Variants in ORC2 observed in about 807,000 individuals in gnomAD.
ORC2 encodes origin recognition complex subunit 2, also known as origin recognition complex protein 2 homolog.
Under a neutral mutation model 77.7 loss-of-function variants are expected in ORC2, and 37 were observed. The observed-to-expected ratio is 0.48, with a 90% CI of 0.37 to 0.63. The LOEUF (loss-of-function observed/expected upper bound fraction) is 0.63, where lower values mean the gene tolerates loss of function less well. Among genes scored for constraint, ORC2 ranks in the 20% least tolerant of loss-of-function variants. The pLI, the probability that ORC2 is intolerant of heterozygous loss-of-function variation, is 0.00. For missense variants in ORC2, 557 were observed against 661.9 expected, an observed-to-expected ratio of 0.84 and a Z score of 1.74; for synonymous variants, 201 against 229.5, an observed-to-expected ratio of 0.88 and a Z score of 1.12.
intron 11 of ORC2, among the ~76,000 whole-genome samples, chr2:200,929,963 A>C (rs747441399): frequency 6.6e-6 from 1 of 152,188 alleles, no homozygotes; most frequent in Non-Finnish European, 1.5e-5. Context: ...ACCCAAGTAT[A>C]AACTTCTAAT....
chr2:200,956,140 C>A (rs1355601996), intron 4 of ORC2, among the ~76,000 whole-genome samples: 2 of 152,228 alleles, frequency 1.3e-5, no homozygotes, highest in Non-Finnish European at 2.9e-5. Flanking sequence ...AATCACAGCT[C>A]ACTGTAGCCT....
intron 15 of ORC2, among the ~76,000 whole-genome samples, chr2:200,914,889 G>A (rs2040614374): frequency 6.6e-6 from 1 of 151,102 alleles, no homozygotes; most frequent in African/African-American, 2.4e-5. Flanking sequence ...TGGGTATGCT[G>A]TTATCTCAAA....
In ORC2 at chr2:200,949,657, A is replaced by G; in HGVS notation, c.239-14T>C. The G allele has an allele frequency of 2.0e-6, 3 of 1,474,140 alleles. No homozygotes were observed. The highest frequency in any genetic ancestry group is 2.8e-6 in the Non-Finnish European group (3 of 1,063,098). 91.3% of individuals were successfully genotyped at this position (1,474,140 alleles called of 1,614,324 possible). A position where few individuals can be genotyped will look rare whatever the true frequency, so the allele number is the denominator to read the frequency against. ...TTTTCAATGATTCTGAAAGAAAAAAATGCAATATACATTTAGGAAAAAAGA... is the reference window on the plus strand; with the variant it reads ...TTTTCAATGATTCTGAAAGAAAAAAGTGCAATATACATTTAGGAAAAAAGA... On this transcript the variant is annotated splice_polypyrimidine_tract_variant and intron_variant, in intron 4 of 17. Coordinates refer to ENST00000234296, the MANE Select transcript of ORC2 (RefSeq NM_006190.5).
intron 13 of ORC2, among the ~76,000 whole-genome samples, chr2:200,925,560 C>T (rs918758836): frequency 1.3e-5 from 2 of 151,864 alleles, no homozygotes; most frequent in Non-Finnish European, 2.9e-5. Flanking sequence ...GGCAACATAG[C>T]GAGACCTCAT....
intron 13 of ORC2, among the ~76,000 whole-genome samples, chr2:200,922,753 A>G (rs2124949572): frequency 6.6e-6 from 1 of 152,294 alleles, no homozygotes; most frequent in African/African-American, 2.4e-5. Flanking sequence ...ACAGACGCAC[A>G]CAAATATAAA....
At position 200,957,632 on chromosome 2, in the gene ORC2, T is replaced by C. The variant is rs75219551; in HGVS notation, c.95-88A>G. On this transcript the variant is annotated intron_variant, in intron 3 of 17. Coordinates refer to ENST00000234296, the MANE Select transcript of ORC2 (RefSeq NM_006190.5). ...AAATAAGAAATTATAATATTTATAT[T>C]GTCATTACTTAAAAGCTGGGAAAAA... 497 of 987,806 alleles carry C rather than the reference T, an allele frequency of 5.0e-4. 2 individuals carry two copies. The East Asian group carries it at 0.013, about 27-fold the overall frequency. 61.2% of individuals were successfully genotyped at this position (987,806 alleles called of 1,614,324 possible). A position where few individuals can be genotyped will look rare whatever the true frequency, so the allele number is the denominator to read the frequency against.
At chr2:200,951,527 T>C (rs1270540212) in intron 4 of ORC2, among the ~76,000 whole-genome samples, 1 of 152,178 alleles carries the variant, frequency 6.6e-6, no homozygotes, top group African/African-American at 2.4e-5. Context: ...CAGTATTTGG[T>C]GGTATTCGTG....
intron 12 of ORC2, among the ~76,000 whole-genome samples, chr2:200,926,178 A>G (rs2124959680): frequency 6.6e-6 from 1 of 152,334 alleles, no homozygotes; most frequent in South Asian, 2.1e-4. Context: ...ATAAGAGGGC[A>G]GCAAAAACAA....
chr2:200,950,819 T>C (rs1274448249), intron 4 of ORC2, among the ~76,000 whole-genome samples: 1 of 152,240 alleles, frequency 6.6e-6, no homozygotes, highest in African/African-American at 2.4e-5. Flanking sequence ...CCTAGTGATC[T>C]GTATTTCCAC....
chr2:200,919,395 G>A (rs1447917052), intron 15 of ORC2, among the ~76,000 whole-genome samples: 1 of 151,792 alleles, frequency 6.6e-6, no homozygotes, highest in Non-Finnish European at 1.5e-5. Flanking sequence ...AGATTGCTCT[G>A]TCACGCAGGC....
At chr2:200,916,697 T>TTTGTA (rs1559004445) in intron 15 of ORC2, among the ~76,000 whole-genome samples, 1 of 152,096 alleles carries the variant, frequency 6.6e-6, no homozygotes, top group Non-Finnish European at 1.5e-5. Flanking sequence ...TATTTCAATT[T>TTTGTA]TTTTATTTTA....
chr2:200,946,689 G>T (rs75347534), intron 5 of ORC2, among the ~76,000 whole-genome samples: 118 of 152,220 alleles, frequency 7.8e-4, no homozygotes, highest in African/African-American at 2.6e-3. Context: ...TCCAAATGGA[G>T]AACTACTACT....
chr2:200,916,078 G>C (rs528222204), intron 15 of ORC2, among the ~76,000 whole-genome samples: 9 of 152,150 alleles, frequency 5.9e-5, no homozygotes, highest in African/African-American at 2.2e-4. Context: ...CACATACCAA[G>C]TAAAGTCTAA....
chr2:200,960,062 C>T (rs1360685502), intron 1 of ORC2, among the ~76,000 whole-genome samples: 1 of 152,024 alleles, frequency 6.6e-6, no homozygotes, highest in Non-Finnish European at 1.5e-5. Flanking sequence ...ACCACAGCTC[C>T]AACCTCCTGG....
At chr2:200,957,574 G>T in intron 3 of ORC2, 30 bp from the exon 4 acceptor site, 1 of 1,514,246 alleles carries the variant, frequency 6.6e-7, no homozygotes, top group South Asian at 1.3e-5. Context: ...AATAGAGCAT[G>T]ACAGGTATAA....
chr2:200,936,804 T>C (rs1346528379), intron 8 of ORC2, among the ~76,000 whole-genome samples: 1 of 152,118 alleles, frequency 6.6e-6, no homozygotes, highest in Non-Finnish European at 1.5e-5. Context: ...AGAAATAATA[T>C]AGCTAGTTTT....
intron 17 of ORC2, among the ~76,000 whole-genome samples, chr2:200,912,061 CA>C (rs1559001616): frequency 6.6e-6 from 1 of 152,178 alleles, no homozygotes; most frequent in Non-Finnish European, 1.5e-5. Context: ...TCTGTGACAT[CA>C]CATCCTGGTT....
chr2:200,928,094 G>A (rs1482282261), intron 11 of ORC2, among the ~76,000 whole-genome samples: 2 of 151,916 alleles, frequency 1.3e-5, no homozygotes, highest in African/African-American at 2.4e-5. Flanking sequence ...GATGGCTCAC[G>A]CCTGTAATCC....
chr2:200,956,499 C>CT (rs34731886), intron 4 of ORC2, among the ~76,000 whole-genome samples: 202 of 146,926 alleles, frequency 1.4e-3, no homozygotes, highest in African/African-American at 3.6e-3. Flanking sequence ...TAATTAAAAA[C>CT]TTTTTTTTTT....
Sources: gnomAD v4.1 joint callset for allele counts (sites outside exome capture counted in the v4.1 genomes callset) on GRCh38, gnomAD v4.1.1 for gene constraint, MANE v1.5 for transcripts, NCBI Gene and HGNC (gene_info 2026-07-23, HGNC 2026-07-21) for gene names.